CAPN2: variants seen among roughly 807,000 people sequenced by gnomAD.
The protein encoded by CAPN2 is calpain-2 catalytic subunit.
In CAPN2, 92 loss-of-function variants were observed where a neutral mutation model predicts 102.3. The ratio of observed to expected loss-of-function variants is 0.90; its 90% CI spans 0.76 to 1.07. The LOEUF is 1.07. CAPN2 is among the 50% of genes least tolerant of loss of function. The pLI is 0.00. For missense variants in CAPN2, 800 were observed against 909.4 expected (o/e 0.88, Z 1.55); for synonymous variants, 340 against 355.4 (o/e 0.96, Z 0.49).
At chr1:223,742,705 G>A (rs754607400) in intron 2 of CAPN2, among the ~76,000 whole-genome samples, 12 of 151,514 alleles carry the variant, frequency 7.9e-5, no homozygotes, top group South Asian at 4.2e-4. Flanking sequence ...TTTTTTTGTC[G>A]AGACAAAGTT....
At chr1:223,705,945 G>C (rs1659593780) in intron 1 of CAPN2, among the ~76,000 whole-genome samples, 1 of 144,268 alleles carries the variant, frequency 6.9e-6, no homozygotes, top group Non-Finnish European at 1.5e-5. Context: ...TGGGAGAATG[G>C]ATAGTTAGTA....
At chr1:223,715,283 A>C (rs1357802480) in intron 1 of CAPN2, among the ~76,000 whole-genome samples, 1 of 152,192 alleles carries the variant, frequency 6.6e-6, no homozygotes, top group East Asian at 1.9e-4. Flanking sequence ...CTGGAAATTA[A>C]GAACATGATC....
intron 2 of CAPN2, among the ~76,000 whole-genome samples, chr1:223,733,637 G>A (rs1660383732): frequency 6.6e-6 from 1 of 152,224 alleles, no homozygotes; most frequent in South Asian, 2.1e-4. Flanking sequence ...TGGGGGCAGT[G>A]AAGCCCTTAT....
chr1:223,757,609 G>T, intron 11 of CAPN2: 1 of 574,300 alleles, frequency 1.7e-6, no homozygotes. Flanking sequence ...GCCTCCCTGT[G>T]ACCTGGCAGA....
intron 17 of CAPN2, 129 bp downstream of exon 17, chr1:223,770,038 C>T: frequency 2.4e-6 from 2 of 826,448 alleles, no homozygotes; most frequent in South Asian, 3.1e-5. Flanking sequence ...CATAATGAAG[C>T]TCAGAGTGAG....
At chr1:223,773,632 T>C (rs1285162063) in intron 20 of CAPN2, among the ~76,000 whole-genome samples, 1 of 151,674 alleles carries the variant, frequency 6.6e-6, no homozygotes. Flanking sequence ...AGGCGGAGGT[T>C]GCGGCGAGCT....
chr1:223,719,638 A>G (rs938220744), intron 2 of CAPN2, among the ~76,000 whole-genome samples: 1 of 152,208 alleles, frequency 6.6e-6, no homozygotes. Flanking sequence ...AGCAACAAAT[A>G]CATGATTTAA....
At chr1:223,757,509 C>A (rs1661066675) in intron 11 of CAPN2, 129 bp downstream of exon 11, 2 of 953,440 alleles carry the variant, frequency 2.1e-6, no homozygotes, top group Non-Finnish European at 3.4e-6. Context: ...TCCTGGCCAC[C>A]CCTGGGGCCC....
intron 2 of CAPN2, among the ~76,000 whole-genome samples, chr1:223,733,602 G>T (rs1660383092): frequency 6.6e-6 from 1 of 152,184 alleles, no homozygotes; most frequent in Non-Finnish European, 1.5e-5. Context: ...TGCTCTCCGT[G>T]GGTCCCCAAG....
At chr1:223,718,615 T>C (rs1659945659) in intron 2 of CAPN2, among the ~76,000 whole-genome samples, 1 of 152,244 alleles carries the variant, frequency 6.6e-6, no homozygotes, top group Non-Finnish European at 1.5e-5. Context: ...TGTGGGCCTA[T>C]AATTACTAGA....
rs1477869204 is a variant in CAPN2, at chr1:223,731,443, C to A, written c.308-12657C>A. Among the ~76,000 whole-genome samples the A allele has an allele frequency of 6.6e-6, 1 of 152,112 alleles. No homozygotes were observed. Among genetic ancestry groups the A allele is most frequent in the Non-Finnish European group, 1.5e-5 (1 of 68,018 alleles). The stretch of plus-strand genomic sequence containing the variant: ...CCCTGAAAGTGCCCCTGCTCTTCCT[C>A]ACCCAGCTCCCCGCTCTAAGCCTTC... On this transcript the variant is annotated intron_variant, in intron 2 of 20. Coordinates refer to ENST00000295006, the MANE Select transcript of CAPN2 (RefSeq NM_001748.5). This position sits in a 1 kb window ranked among gnomAD's most constrained non-coding sequence, Gnocchi z 4.2.
In CAPN2 at chr1:223,728,094, A is replaced by G. The variant is rs28370042; in HGVS notation, c.307+10263A>G. Among the ~76,000 whole-genome samples, 173 of 151,732 alleles carry G rather than the reference A, an allele frequency of 1.1e-3. 1 individual carries two copies. The highest frequency in any genetic ancestry group is 4.0e-3 in the African/African-American group (165 of 41,398). On this transcript the variant is annotated intron_variant, in intron 2 of 20. Transcript: ENST00000295006. ...GGTATGCGTTACAGTTCAGACTCCC[A>G]AGCACAAGCTCCCTGTTTTGTCACA...
Position 223,766,101 on chromosome 1 carries a change from T to C in CAPN2, c.1691-266T>C, listed in dbSNP as rs532668253. 1.1e-4 allele frequency among the ~76,000 whole-genome samples: 17 copies of C among 152,344 alleles called. No individual in the cohort carries two copies. In the South Asian group the frequency reaches 2.1e-3, roughly 19 times the overall value. On this transcript the variant is annotated intron_variant, in intron 15 of 20. Coordinates refer to ENST00000295006, the MANE Select transcript of CAPN2 (RefSeq NM_001748.5). ...CCTGTGGGCACCTAAGGCCCAACCA[T>C]TGATCATTCTGTTATTTATTTGTTC...
At chr1:223,702,393 C>G (rs1659506615) in intron 1 of CAPN2, among the ~76,000 whole-genome samples, 1 of 151,556 alleles carries the variant, frequency 6.6e-6, no homozygotes, top group Non-Finnish European at 1.5e-5. Flanking sequence ...CACCACTGCA[C>G]TCCAGCCTGG....
intron 6 of CAPN2, 88 bp from the exon 7 acceptor site, chr1:223,750,802 C>A: frequency 8.1e-7 from 1 of 1,231,304 alleles, no homozygotes; most frequent in Non-Finnish European, 1.2e-6. Context: ...TACCTCCTGG[C>A]TCATGCGGAA....
chr1:223,756,913 T>C lies in CAPN2; in HGVS notation c.1306-456T>C, dbSNP rs754479611. Among the ~76,000 whole-genome samples, 11 of 152,168 alleles carry C rather than the reference T, an allele frequency of 7.2e-5. No individual in the cohort carries two copies. The highest frequency in any genetic ancestry group is 1.5e-4 in the Non-Finnish European group (10 of 68,030). On this transcript the variant is annotated intron_variant, in intron 10 of 20. Coordinates refer to ENST00000295006, the MANE Select transcript of CAPN2 (RefSeq NM_001748.5). The surrounding 1 kb of genome is among the most constrained non-coding windows in gnomAD (Gnocchi z 4.1). ...CCTTGGGGATCACTGGGTCCTATTT[T>C]TGAGACAAGAAAACTGAGGCCAGAG... is the stretch of plus-strand genomic sequence containing the variant.
chr1:223,721,440 G>A (rs1004139254), intron 2 of CAPN2, among the ~76,000 whole-genome samples: 5 of 152,180 alleles, frequency 3.3e-5, no homozygotes, highest in South Asian at 2.1e-4. Context: ...CACAGCTCAC[G>A]GATGAAGGCA....
rs746854867 is a variant in CAPN2 at position 223,726,414 on chromosome 1, C to T, written c.307+8583C>T. On this transcript the variant is annotated intron_variant, in intron 2 of 20. Transcript: ENST00000295006. The surrounding 1 kb of genome is among the most constrained non-coding windows in gnomAD (Gnocchi z 4.4). The stretch of plus-strand genomic sequence containing the variant: ...TGATATTGACTAGTGACCGTGGGGG[C>T]GATGGCCCAGGAGGGTCAGGGCTGC... Among the ~76,000 whole-genome samples the T allele has an allele frequency of 1.3e-5, 2 of 152,102 alleles. No homozygotes were observed. The highest frequency in any genetic ancestry group is 4.8e-5 in the African/African-American group (2 of 41,416).
chr1:223,726,331 G>A lies in CAPN2; in HGVS notation c.307+8500G>A, dbSNP rs1660189347. 6.6e-6 allele frequency among the ~76,000 whole-genome samples: 1 copy of A among 152,144 alleles called. No individual in the cohort carries two copies. The highest frequency in any genetic ancestry group is 2.1e-4 in the South Asian group (1 of 4,824). On this transcript the variant is annotated intron_variant, in intron 2 of 20. Coordinates refer to ENST00000295006, the MANE Select transcript of CAPN2 (RefSeq NM_001748.5). This position sits in a 1 kb window ranked among gnomAD's most constrained non-coding sequence, Gnocchi z 4.4. The stretch of plus-strand genomic sequence containing the variant: ...GGGTGGGTTTGCCTGCGCCTGGGGG[G>A]AGGGCAGCCATCAGGAAGGAGCAGC...
Sources: allele counts gnomAD v4.1 joint callset (sites outside exome capture counted in the v4.1 genomes callset), GRCh38; gene constraint gnomAD v4.1.1; non-coding constraint Gnocchi (gnomAD v3.1); transcripts MANE v1.5; gene names NCBI Gene and HGNC (gene_info 2026-07-23, HGNC 2026-07-21).